The following CSGALNACT1 variants were observed in gnomAD, a reference collection of about 807,000 sequenced individuals.
CSGALNACT1 encodes the protein beta4GalNAcT-1.
A neutral mutation model predicts 51.0 loss-of-function variants in CSGALNACT1; 52 were observed. That is an observed-to-expected ratio of 1.02 (90% CI 0.82 to 1.29). The LOEUF (loss-of-function observed/expected upper bound fraction) is 1.29. Ranked by LOEUF, CSGALNACT1 falls within the 50% of genes most tolerant of loss-of-function variation. CSGALNACT1 has a pLI of 0.00. For missense variants in CSGALNACT1, 935 were observed against 679.2 expected, an observed-to-expected ratio of 1.38 and a Z score of -4.19; for synonymous variants, 341 against 254.4, an observed-to-expected ratio of 1.34 and a Z score of -3.24.
chr8:19,610,154 G>C (rs2052013827), intron 1 of CSGALNACT1, among the ~76,000 whole-genome samples: 1 of 151,644 alleles, frequency 6.6e-6, no homozygotes, highest in Admixed American at 6.6e-5. Context: ...GCCAGGCGTG[G>C]TTGCGGGTAC....
intron 1 of CSGALNACT1, among the ~76,000 whole-genome samples, chr8:19,692,114 C>T (rs1329939007): frequency 6.6e-6 from 1 of 152,114 alleles, no homozygotes; most frequent in Non-Finnish European, 1.5e-5. Flanking sequence ...AGAACTCACT[C>T]ACTATCACGA....
Position 19,601,885 on chromosome 8 carries a change from A to C in CSGALNACT1, c.-510-20T>G, listed in dbSNP as rs769458774. Reference sequence around the variant, plus strand: ...AGGCAGCTAAAATAAAATAAAAACAAAAGGCAACCCTTGTAAATTTCCATG... The same window carrying C: ...AGGCAGCTAAAATAAAATAAAAACACAAGGCAACCCTTGTAAATTTCCATG... On this transcript the variant is annotated intron_variant, in intron 1 of 9. Coordinates refer to ENST00000454498, the Ensembl canonical transcript of CSGALNACT1. 13 of 453,876 alleles carry C rather than the reference A, an allele frequency of 2.9e-5. No individual in the cohort carries two copies. Among genetic ancestry groups the C allele is most frequent in the African/African-American group, 2.4e-4 (12 of 49,988 alleles). The allele number at this position is 453,876 out of a possible 1,614,324, so 28.1% of individuals were successfully genotyped here.
chr8:19,723,300 T>C (rs920159676), intron 1 of CSGALNACT1, among the ~76,000 whole-genome samples: 2 of 152,244 alleles, frequency 1.3e-5, no homozygotes, highest in Non-Finnish European at 2.9e-5. Flanking sequence ...TTTAATATTG[T>C]TAACGTGCTA....
intron 1 of CSGALNACT1, among the ~76,000 whole-genome samples, chr8:19,620,775 A>C (rs2053718447): frequency 6.6e-6 from 1 of 152,128 alleles, no homozygotes; most frequent in South Asian, 2.1e-4. Flanking sequence ...TTTTTAAGAT[A>C]TCCTCAGTTA....
At chr8:19,613,989 C>T (rs77320322) in intron 1 of CSGALNACT1, among the ~76,000 whole-genome samples, 3,438 of 152,220 alleles carry the variant, frequency 0.023, 141 homozygotes, top group African/African-American at 0.078. Context: ...ACAGTTTCTA[C>T]GATCAAGTGA....
rs2059405558 is a variant in CSGALNACT1, at chr8:19,667,035, G to GA, written c.-544+15437_-544+15438insT. Among the ~76,000 whole-genome samples the GA allele has an allele frequency of 1.1e-4, 4 of 36,352 alleles. 1 individual carries two copies. Among genetic ancestry groups the GA allele is most frequent in the African/African-American group, 5.8e-4 (3 of 5,180 alleles). The allele number at this position is 36,352 out of a possible 152,430, so 23.8% of individuals were successfully genotyped here. A position where few individuals can be genotyped will look rare whatever the true frequency, so the allele number is the denominator to read the frequency against. On this transcript the variant is annotated intron_variant, in intron 1 of 9. Coordinates refer to the CSGALNACT1 transcript ENST00000332246. ...AGAAAGAAAGGAAGGAAGGAAGGAA[G>GA]GAAGGAAGAAAGAAAGAAAGAAAGA...
At chr8:19,530,355 CTG>C (rs2082527573) in intron 3 of CSGALNACT1, among the ~76,000 whole-genome samples, 1 of 151,906 alleles carries the variant, frequency 6.6e-6, no homozygotes, top group African/African-American at 2.4e-5. Context: ...CAAGTACTGA[CTG>C]TACATGAGTG....
At chr8:19,586,355 T>C (rs1364815262) in intron 3 of CSGALNACT1, among the ~76,000 whole-genome samples, 1 of 145,984 alleles carries the variant, frequency 6.9e-6, no homozygotes, top group Non-Finnish European at 1.5e-5. Flanking sequence ...CAAGACTCCA[T>C]CTCAGAAAAC....
chr8:19,506,789 C>T (rs2077418859), intron 3 of CSGALNACT1, among the ~76,000 whole-genome samples: 1 of 152,226 alleles, frequency 6.6e-6, no homozygotes, highest in Non-Finnish European at 1.5e-5. Context: ...TCACCTTCCA[C>T]CATGAGTGGA....
At chr8:19,443,462 G>A (rs111422756) in intron 5 of CSGALNACT1, among the ~76,000 whole-genome samples, 3,546 of 152,240 alleles carry the variant, frequency 0.023, 52 homozygotes, top group Non-Finnish European at 0.039. Flanking sequence ...AAGGAAAGAG[G>A]TTTAATGGAC....
At position 19,623,986 on chromosome 8, in the gene CSGALNACT1, G is replaced by A. The variant is rs10156383; in HGVS notation, c.-543-22121C>T. Among the ~76,000 whole-genome samples, 1,291 of 152,278 alleles carry A rather than the reference G, an allele frequency of 8.5e-3. 23 individuals are homozygous for A. Among genetic ancestry groups the A allele is most frequent in the African/African-American group, 0.029 (1,225 of 41,552 alleles). On this transcript the variant is annotated intron_variant, in intron 1 of 9. Transcript: ENST00000332246. ...GCAAATGGCGAAATATTTTAGATCC[G>A]GTCCCCGGGCAGCTACTCCATGGAA...
At chr8:19,684,645 G>GC (rs775698525), upstream of CSGALNACT1, among the ~76,000 whole-genome samples, 3 of 152,044 alleles carry the variant, frequency 2.0e-5, no homozygotes, top group Admixed American at 1.3e-4. Context: ...CTCCTGGGAG[G>GC]CCAAAGAAGC....
chr8:19,609,775 G>A (rs527477845), intron 1 of CSGALNACT1, among the ~76,000 whole-genome samples: 1 of 152,192 alleles, frequency 6.6e-6, no homozygotes, highest in South Asian at 2.1e-4. Context: ...TTTCATATGT[G>A]TATACATATG....
intron 3 of CSGALNACT1, among the ~76,000 whole-genome samples, chr8:19,522,739 C>T (rs1189142007): frequency 6.6e-6 from 1 of 152,096 alleles, no homozygotes; most frequent in East Asian, 1.9e-4. Flanking sequence ...ATCTCAAAAC[C>T]TCCTAAGTTA....
At chr8:19,744,628 G>A (rs754419478) in intron 1 of CSGALNACT1, among the ~76,000 whole-genome samples, 1 of 152,134 alleles carries the variant, frequency 6.6e-6, no homozygotes, top group Non-Finnish European at 1.5e-5. Context: ...TAGGAATATA[G>A]TTGAAAACAG....
chr8:19,468,980 A>G (rs914667091), intron 4 of CSGALNACT1, among the ~76,000 whole-genome samples: 8 of 152,182 alleles, frequency 5.3e-5, no homozygotes, highest in Non-Finnish European at 8.8e-5. Flanking sequence ...AGAAGTCCCA[A>G]TGACAGAAGC....
At chr8:19,530,704 C>G (rs1260303305) in intron 3 of CSGALNACT1, among the ~76,000 whole-genome samples, 1 of 152,076 alleles carries the variant, frequency 6.6e-6, no homozygotes, top group Non-Finnish European at 1.5e-5. Flanking sequence ...GCCCTTCAGC[C>G]TGGACAACAG....
intron 3 of CSGALNACT1, among the ~76,000 whole-genome samples, chr8:19,522,599 C>T (rs569428884): frequency 8.4e-4 from 128 of 152,270 alleles, no homozygotes; most frequent in African/African-American, 2.9e-3. Flanking sequence ...CATAGTTGTA[C>T]ACATGGGGCT....
At chr8:19,742,962 C>G (rs1302708439) in intron 1 of CSGALNACT1, among the ~76,000 whole-genome samples, 1 of 152,238 alleles carries the variant, frequency 6.6e-6, no homozygotes, top group Non-Finnish European at 1.5e-5. Flanking sequence ...TGCAGAAACA[C>G]TGGACTAGAT....
Sources: allele counts gnomAD v4.1 joint callset (sites outside exome capture counted in the v4.1 genomes callset), GRCh38; gene constraint gnomAD v4.1.1; transcripts MANE v1.5; gene names NCBI Gene and HGNC (gene_info 2026-07-23, HGNC 2026-07-21).